Variants in ASTE1 observed in about 807,000 individuals in gnomAD.
The protein encoded by ASTE1 is single-strand DNA endonuclease ASTE1.
ASTE1 carries 49 observed loss-of-function variants against 45.8 expected under a neutral mutation model. The observed-to-expected ratio is 1.07, with a 90% CI of 0.85 to 1.36. The LOEUF is 1.36. ASTE1 is among the 40% of genes most tolerant of loss of function. The pLI is 0.00. For missense variants in ASTE1, 709 were observed against 804.0 expected, an observed-to-expected ratio of 0.88 and a Z score of 1.43; for synonymous variants, 296 against 303.9, an observed-to-expected ratio of 0.97 and a Z score of 0.27.
rs747361607 is a variant in ASTE1, at chr3:131,024,548, G to C, written c.759C>G (p.His253Gln). ...LGATSSKGRR[H>Q]HRILGLLNWL... ...AATTCAGAAGTCCCAGGATTCGGTG[G>C]TGTCTCCTCCCTTTAGAACTGGTAG... Residue 253 changes from histidine (H) to glutamine (Q), a missense_variant, in exon 3 of 6, where the codon CAC becomes CAG. His to Gln is a conservative substitution (Grantham distance 24). Transcript: ENST00000264992. 18 of 1,614,106 alleles carry C rather than the reference G, an allele frequency of 1.1e-5. No homozygotes were observed. Among genetic ancestry groups the C allele is most frequent in the Admixed American group, 6.7e-5 (4 of 60,004 alleles).
At chr3:131,016,462 T>C in intron 4 of ASTE1, 123 bp from the exon 5 acceptor site, 5 of 1,118,544 alleles carry the variant, frequency 4.5e-6, no homozygotes, top group Non-Finnish European at 6.4e-6. Flanking sequence ...AAGATGTTTT[T>C]CTCTTCTGGC....
intron 5 of ASTE1, chr3:131,015,245 A>G: frequency 1.4e-6 from 1 of 702,164 alleles, no homozygotes; most frequent in Non-Finnish European, 2.6e-6. Flanking sequence ...CAAAGTATTG[A>G]AGGCACTGGG....
At chr3:131,020,010 C>T (rs773099875) in intron 3 of ASTE1, among the ~76,000 whole-genome samples, 6 of 152,206 alleles carry the variant, frequency 3.9e-5, no homozygotes, top group Middle Eastern at 3.4e-3. Context: ...TTAAAATGCA[C>T]TAAGTAGAGC....
intron 3 of ASTE1, among the ~76,000 whole-genome samples, chr3:131,023,189 A>G (rs2063765598): frequency 6.6e-6 from 1 of 152,180 alleles, no homozygotes; most frequent in African/African-American, 2.4e-5. Flanking sequence ...ATCCTTAAGT[A>G]GACTGGTGCC....
At chr3:131,019,253 T>C (rs556245812) in intron 3 of ASTE1, among the ~76,000 whole-genome samples, 9 of 152,062 alleles carry the variant, frequency 5.9e-5, no homozygotes, top group Middle Eastern at 3.4e-3. Flanking sequence ...GCATATACTC[T>C]ATTTGTTTGG....
intron 3 of ASTE1, among the ~76,000 whole-genome samples, chr3:131,019,337 G>T (rs139277746): frequency 4.6e-5 from 7 of 152,144 alleles, no homozygotes; most frequent in Non-Finnish European, 7.4e-5. Context: ...ATTGTCCCAG[G>T]GTGGCTGCTT....
chr3:131,018,478 TA>T, intron 4 of ASTE1, 27 bp downstream of exon 4: 1 of 1,599,366 alleles, frequency 6.3e-7, no homozygotes, highest in South Asian at 1.1e-5. Flanking sequence ...CATGCCACAA[TA>T]TACTCCTGTA....
chr3:131,025,474 C>G lies in ASTE1; in HGVS notation c.-26G>C. 1 of 1,135,658 alleles carries G rather than the reference C, an allele frequency of 8.8e-7. No individual in the cohort carries two copies. The highest frequency in any genetic ancestry group is 1.2e-6 in the Non-Finnish European group (1 of 846,788). The allele number at this position is 1,135,658 out of a possible 1,614,324, so 70.3% of individuals were successfully genotyped here. A position where few individuals can be genotyped will look rare whatever the true frequency, so the allele number is the denominator to read the frequency against. On this transcript the variant is annotated splice_region_variant and 5_prime_UTR_variant, in exon 2 of 6. Transcript: ENST00000264992. Reference sequence around the variant, plus strand: ...AGATATCAACATCATAAATTCTTACCTAGATCCTCAAGCAATGTTAGCTGT... The same window carrying G: ...AGATATCAACATCATAAATTCTTACGTAGATCCTCAAGCAATGTTAGCTGT...
At chr3:131,025,450 G>A in intron 2 of ASTE1, 24 bp downstream of exon 2, 1 of 1,288,418 alleles carries the variant, frequency 7.8e-7, no homozygotes. Flanking sequence ...ATAGAACATA[G>A]ATATCAACAT....
rs1446160908 is a variant in ASTE1, at chr3:131,024,427, A to C, written c.880T>G (p.Cys294Gly). 1.9e-6 allele frequency: 3 copies of C among 1,614,140 alleles called. No individual in the cohort carries two copies. The highest frequency in any genetic ancestry group is 3.3e-5 in the Admixed American group (2 of 60,016). Residue 294 changes from cysteine (C) to glycine (G), a missense_variant, in exon 3 of 6, where the codon TGT (cysteine) becomes GGT (glycine). By Grantham distance (159) the Cys-to-Gly change is radical (BLOSUM62 -3). Transcript: ENST00000264992. ...GACTGTTGGTATTCTTCCATGGAAC[A>C]GCAGAGAAGTTCCTTAACATTTTCT... Reference protein sequence around the residue: ...DRENVKELLCCSMEEYQQSQV... With the variant: ...DRENVKELLCGSMEEYQQSQV...
chr3:131,016,894 G>T, intron 4 of ASTE1: 1 of 810,282 alleles, frequency 1.2e-6, no homozygotes, highest in Non-Finnish European at 1.7e-6. Flanking sequence ...AAGGAATGTT[G>T]TGTGTTTTTA....
chr3:131,022,627 T>C (rs143629006), intron 3 of ASTE1, among the ~76,000 whole-genome samples: 1 of 152,232 alleles, frequency 6.6e-6, no homozygotes, highest in East Asian at 1.9e-4. Flanking sequence ...CTTGGTTTAG[T>C]ATATTTATAA....
At chr3:131,018,003 A>C (rs905197250) in intron 4 of ASTE1, among the ~76,000 whole-genome samples, 1 of 149,990 alleles carries the variant, frequency 6.7e-6, no homozygotes. Flanking sequence ...AAAAGGACAA[A>C]TTACTATTTC....
At chr3:131,014,506 ATAT>A (rs2063495411) in intron 5 of ASTE1, 119 bp from the exon 6 acceptor site, 3 of 936,904 alleles carry the variant, frequency 3.2e-6, no homozygotes, top group Non-Finnish European at 4.6e-6. Context: ...TTGCTCTATA[ATAT>A]TATCGAAATT....
At chr3:131,021,226 CA>C (rs1195698181) in intron 3 of ASTE1, among the ~76,000 whole-genome samples, 2 of 151,804 alleles carry the variant, frequency 1.3e-5, no homozygotes, top group Non-Finnish European at 2.9e-5. Context: ...TAAAAATGAG[CA>C]AAAAACTGTA....
intron 4 of ASTE1, among the ~76,000 whole-genome samples, chr3:131,017,895 A>G (rs933174642): frequency 7.0e-6 from 1 of 142,448 alleles, no homozygotes; most frequent in African/African-American, 2.6e-5. Context: ...ACTGGAACCC[A>G]GGTGGCAGAG....
chr3:131,022,487 AT>A (rs773197171), intron 3 of ASTE1, among the ~76,000 whole-genome samples: 7,425 of 140,690 alleles, frequency 0.053, 250 homozygotes, highest in African/African-American at 0.1. Context: ...CTGGCAAAAA[AT>A]TTTTTTTTTT....
intron 3 of ASTE1, 33 bp downstream of exon 3, chr3:131,023,972 T>C: frequency 6.5e-7 from 1 of 1,539,036 alleles, no homozygotes. Flanking sequence ...TAAAGTACTT[T>C]ACAAAAATTT....
intron 3 of ASTE1, among the ~76,000 whole-genome samples, chr3:131,021,892 A>T (rs2063747139): frequency 6.6e-6 from 1 of 152,204 alleles, no homozygotes; most frequent in South Asian, 2.1e-4. Context: ...ATGCTTGAGT[A>T]GAAATGTAAT....
Sources: gnomAD v4.1 joint callset for allele counts (sites outside exome capture counted in the v4.1 genomes callset) on GRCh38, gnomAD v4.1.1 for gene constraint, MANE v1.5 for transcripts, NCBI Gene and HGNC (gene_info 2026-07-23, HGNC 2026-07-21) for gene names.